MEIKIN: variants seen among roughly 807,000 people sequenced by gnomAD.
MEIKIN encodes meiosis-specific kinetochore protein.
intron 4 of MEIKIN, among the ~76,000 whole-genome samples, chr5:131,935,301 A>C (rs1346109068): frequency 6.6e-6 from 1 of 151,208 alleles, no homozygotes; most frequent in Admixed American, 6.6e-5. Flanking sequence ...AAAGAAAGAA[A>C]AACCAGAATA....
intron 9 of MEIKIN, among the ~76,000 whole-genome samples, chr5:131,855,992 G>A (rs771602526): frequency 6.6e-6 from 1 of 152,112 alleles, no homozygotes; most frequent in Non-Finnish European, 1.5e-5. Flanking sequence ...GGTGTCTCTT[G>A]TAAGATGTCA....
At chr5:131,871,679 T>G (rs1352299889) in intron 9 of MEIKIN, among the ~76,000 whole-genome samples, 1 of 152,182 alleles carries the variant, frequency 6.6e-6, no homozygotes, top group South Asian at 2.1e-4. Context: ...GCTTGAGATC[T>G]GAGAATGGGT....
chr5:131,878,502 G>A (rs1314223782), intron 9 of MEIKIN, among the ~76,000 whole-genome samples: 2 of 152,052 alleles, frequency 1.3e-5, no homozygotes, highest in African/African-American at 4.8e-5. Context: ...AGGAGGCAGA[G>A]CTTGCAGTGA....
At chr5:131,902,019 GT>G (rs1227872192) in intron 8 of MEIKIN, among the ~76,000 whole-genome samples, 2 of 152,138 alleles carry the variant, frequency 1.3e-5, no homozygotes, top group Non-Finnish European at 2.9e-5. Flanking sequence ...ATGATAGTGA[GT>G]TCTCATGAGA....
chr5:131,844,218 A>G (rs571975387), intron 11 of MEIKIN, among the ~76,000 whole-genome samples: 7 of 152,212 alleles, frequency 4.6e-5, no homozygotes, highest in Non-Finnish European at 1.0e-4. Flanking sequence ...CACTGGGAAT[A>G]CAATTCAACA....
At chr5:131,894,336 G>A (rs1165580286) in intron 8 of MEIKIN, among the ~76,000 whole-genome samples, 3 of 152,194 alleles carry the variant, frequency 2.0e-5, no homozygotes, top group African/African-American at 4.8e-5. Context: ...GTAGTGTGAT[G>A]CCTCCAGCTT....
intron 12 of MEIKIN, among the ~76,000 whole-genome samples, chr5:131,817,592 G>A (rs1773124824): frequency 6.9e-6 from 1 of 145,658 alleles, no homozygotes; most frequent in African/African-American, 2.5e-5. Flanking sequence ...CTCCAGCCTG[G>A]GTGACAGAGC....
intron 8 of MEIKIN, among the ~76,000 whole-genome samples, chr5:131,905,140 G>C (rs1191338278): frequency 1.3e-5 from 2 of 151,718 alleles, no homozygotes; most frequent in African/African-American, 2.4e-5. Context: ...TTTTAAAGAA[G>C]TGAAAAAAAC....
intron 11 of MEIKIN, among the ~76,000 whole-genome samples, chr5:131,841,745 G>A (rs1749918046): frequency 6.6e-6 from 1 of 152,054 alleles, no homozygotes; most frequent in South Asian, 2.1e-4. Flanking sequence ...ACATTTATTT[G>A]TGCCTTCAAT....
intron 11 of MEIKIN, among the ~76,000 whole-genome samples, chr5:131,822,333 T>C (rs1749524522): frequency 6.6e-6 from 1 of 151,538 alleles, no homozygotes; most frequent in Non-Finnish European, 1.5e-5. Flanking sequence ...CATTTTATTA[T>C]TTTTTTTTCT....
At chr5:131,872,164 T>G (rs1327564634) in intron 9 of MEIKIN, among the ~76,000 whole-genome samples, 1 of 151,722 alleles carries the variant, frequency 6.6e-6, no homozygotes, top group Admixed American at 6.6e-5. Context: ...CTTTGACGAG[T>G]TGAGAGAAGA....
chr5:131,835,258 TATG>T (rs937823763), intron 11 of MEIKIN, among the ~76,000 whole-genome samples: 6 of 148,818 alleles, frequency 4.0e-5, no homozygotes, highest in Admixed American at 6.6e-5. Flanking sequence ...ATATATGATA[TATG>T]ATATCAACTC....
At chr5:131,859,131 T>C (rs1750241817) in intron 9 of MEIKIN, among the ~76,000 whole-genome samples, 1 of 152,184 alleles carries the variant, frequency 6.6e-6, no homozygotes, top group Admixed American at 6.5e-5. Context: ...CACACGTATG[T>C]TCAATGCAGC....
intron 8 of MEIKIN, among the ~76,000 whole-genome samples, chr5:131,887,691 G>A (rs1750825658): frequency 6.6e-6 from 1 of 150,758 alleles, no homozygotes; most frequent in African/African-American, 2.4e-5. Context: ...TTTTTTTCTT[G>A]TAAATTTGTT....
intron 8 of MEIKIN, among the ~76,000 whole-genome samples, chr5:131,887,708 T>C (rs565802252): frequency 1.3e-4 from 20 of 152,036 alleles, no homozygotes; most frequent in Admixed American, 1.2e-3. Context: ...TGTTTTTTTT[T>C]TATTTTATTA....
intron 11 of MEIKIN, among the ~76,000 whole-genome samples, chr5:131,846,535 A>C (rs1178656060): frequency 3.3e-5 from 5 of 152,222 alleles, no homozygotes; most frequent in African/African-American, 1.2e-4. Context: ...AAAAGACTAA[A>C]GTGTTTAAAA....
intron 11 of MEIKIN, among the ~76,000 whole-genome samples, chr5:131,835,023 T>C (rs1749777321): frequency 6.6e-6 from 1 of 152,138 alleles, no homozygotes; most frequent in South Asian, 2.1e-4. Flanking sequence ...ATTGTAGTTT[T>C]GATTTGAATT....
chr5:131,857,020 A>G (rs1041911802), intron 9 of MEIKIN, among the ~76,000 whole-genome samples: 7 of 151,524 alleles, frequency 4.6e-5, no homozygotes, highest in African/African-American at 1.2e-4. Context: ...GGTTAGTTAC[A>G]TATGTATACA....
intron 11 of MEIKIN, among the ~76,000 whole-genome samples, chr5:131,841,240 T>C (rs1448474220): frequency 6.6e-6 from 1 of 151,902 alleles, no homozygotes; most frequent in Non-Finnish European, 1.5e-5. Flanking sequence ...GTTGCGGGGG[T>C]GAGGTGCTCC....
Sources: gnomAD v4.1 joint callset for allele counts (sites outside exome capture counted in the v4.1 genomes callset) on GRCh38, gnomAD v4.1.1 for gene constraint, MANE v1.5 for transcripts, NCBI Gene and HGNC (gene_info 2026-07-23, HGNC 2026-07-21) for gene names.